Variants in PHTF1 observed in about 807,000 individuals in gnomAD.
PHTF1 encodes the protein putative homeodomain transcription factor 1, also known as protein PHTF1.
PHTF1 carries 88 observed loss-of-function variants against 102.4 expected under a neutral mutation model. The observed-to-expected ratio is 0.86, with a 90% CI of 0.72 to 1.03. PHTF1 has a LOEUF of 1.03. Among genes scored for constraint, PHTF1 ranks in the 50% least tolerant of loss-of-function variants. PHTF1 has a pLI of 0.00. For synonymous variants in PHTF1, 289 were observed against 305.2 expected, an observed-to-expected ratio of 0.95 and a Z score of 0.55; for missense variants, 814 against 909.5, an observed-to-expected ratio of 0.89 and a Z score of 1.35.
At chr1:113,718,399 G>A (rs1652407194) in intron 7 of PHTF1, among the ~76,000 whole-genome samples, 1 of 152,146 alleles carries the variant, frequency 6.6e-6, no homozygotes, top group Non-Finnish European at 1.5e-5. Flanking sequence ...GGCTTTGCCA[G>A]GAGCACAGTG....
intron 7 of PHTF1, among the ~76,000 whole-genome samples, chr1:113,716,225 A>C (rs1471392823): frequency 6.6e-6 from 1 of 152,170 alleles, no homozygotes; most frequent in Non-Finnish European, 1.5e-5. Flanking sequence ...CAGCAAGAGA[A>C]AGGAAACAAA....
At chr1:113,752,666 G>A (rs1361419444) in intron 3 of PHTF1, among the ~76,000 whole-genome samples, 1 of 152,130 alleles carries the variant, frequency 6.6e-6, no homozygotes, top group Non-Finnish European at 1.5e-5. Context: ...TTACAGGCGT[G>A]AGCCACTGCG....
At chr1:113,722,876 C>T (rs553583292) in intron 7 of PHTF1, among the ~76,000 whole-genome samples, 52 of 150,308 alleles carry the variant, frequency 3.5e-4, no homozygotes, top group African/African-American at 1.1e-3. Context: ...GCCGAGATCG[C>T]GCCATTGCAC....
At chr1:113,758,231 C>CAAA (rs1162537319) in intron 2 of PHTF1, among the ~76,000 whole-genome samples, 1,944 of 57,832 alleles carry the variant, frequency 0.034, 152 homozygotes, top group African/African-American at 0.11. Context: ...AACTCCGTCT[C>CAAA]AAAAAAAAAA....
intron 13 of PHTF1, 31 bp downstream of exon 13, chr1:113,705,859 G>A: frequency 1.3e-6 from 2 of 1,575,002 alleles, no homozygotes; most frequent in South Asian, 2.3e-5. Context: ...TACAAAAACA[G>A]GTAAAAAATT....
chr1:113,759,118 A>T lies in PHTF1; in HGVS notation c.-126T>A. On this transcript the variant is annotated 5_prime_UTR_variant, in exon 1 of 19. Transcript: ENST00000369604. ...CCGGGGGCGAGGCGGCGGGCCAGGC[A>T]GGCCGCATCTTCCCCTCCAGGCGGA... The T allele has an allele frequency of 1.0e-6, 1 of 981,648 alleles. No individual in the cohort carries two copies. The highest frequency in any genetic ancestry group is 1.2e-6 in the Non-Finnish European group (1 of 825,892). The allele number at this position is 981,648 out of a possible 1,614,324, so 60.8% of individuals were successfully genotyped here.
chr1:113,743,524 T>C (rs926275382), intron 3 of PHTF1, among the ~76,000 whole-genome samples: 10 of 152,224 alleles, frequency 6.6e-5, no homozygotes, highest in Non-Finnish European at 1.5e-4. Context: ...AAGTATAGTA[T>C]AGTAAATATA....
chr1:113,726,250 G>A (rs977039709), intron 6 of PHTF1, among the ~76,000 whole-genome samples, 168 bp downstream of exon 6: 5 of 152,038 alleles, frequency 3.3e-5, no homozygotes, highest in African/African-American at 9.7e-5. Flanking sequence ...TTGTAACAAG[G>A]TTTTCTCAGC....
chr1:113,700,963 C>CAA lies in PHTF1; in HGVS notation c.1891-16_1891-15dup. The stretch of plus-strand genomic sequence containing the variant: ...TCCTTGGAGAACCTATACAAAGGAT[C>CAA]AAAAAAAAGTTAAGTTTTTCATTTA... On this transcript the variant is annotated splice_polypyrimidine_tract_variant and intron_variant, in intron 15 of 18. Transcript: ENST00000369604. 1 of 1,569,156 alleles carries CAA rather than the reference C, an allele frequency of 6.4e-7. No homozygotes were observed.
chr1:113,702,081 T>G (rs1033266788), intron 15 of PHTF1, among the ~76,000 whole-genome samples: 1 of 152,024 alleles, frequency 6.6e-6, no homozygotes, highest in African/African-American at 2.4e-5. Flanking sequence ...TAATTACATC[T>G]TGCGGTTTTA....
At chr1:113,698,152 AACACACACACACACAC>A (rs59861045) in intron 18 of PHTF1, 94 bp downstream of exon 18, 16 of 549,646 alleles carry the variant, frequency 2.9e-5, no homozygotes, top group Admixed American at 1.1e-4. Context: ...GCATGCTAGA[AACACACACACACACAC>A]ACACACACAC....
Position 113,724,906 on chromosome 1 carries a change from A to T in PHTF1, c.489-13T>A. ...TTTTCGTAATTTTCTACAAAAAAAA[A>T]TTTCAATAACTTCAGATTATTCAAG... is the stretch of plus-strand genomic sequence containing the variant. On this transcript the variant is annotated splice_polypyrimidine_tract_variant and intron_variant, in intron 6 of 18. Coordinates refer to ENST00000369604, the MANE Select transcript of PHTF1 (RefSeq NM_001323043.2). 1.3e-6 allele frequency: 2 copies of T among 1,577,996 alleles called. No individual in the cohort carries two copies. The highest frequency in any genetic ancestry group is 1.2e-5 in the South Asian group (1 of 85,382).
At chr1:113,728,573 A>C (rs991789538) in intron 5 of PHTF1, among the ~76,000 whole-genome samples, 1 of 152,216 alleles carries the variant, frequency 6.6e-6, no homozygotes, top group African/African-American at 2.4e-5. Context: ...TAGAACTACC[A>C]TATGATCCAG....
intron 13 of PHTF1, 23 bp downstream of exon 13, chr1:113,705,867 A>T: frequency 1.9e-6 from 3 of 1,591,134 alleles, no homozygotes; most frequent in Non-Finnish European, 2.6e-6. Flanking sequence ...CAGGTAAAAA[A>T]TTTTCCTTAT....
In PHTF1 at chr1:113,724,897, C is replaced by CA. The variant is rs768360844; in HGVS notation, c.489-5dup. On this transcript the variant is annotated splice_region_variant and splice_polypyrimidine_tract_variant and intron_variant, in intron 6 of 18. Coordinates refer to ENST00000369604, the MANE Select transcript of PHTF1 (RefSeq NM_001323043.2). The stretch of plus-strand genomic sequence containing the variant: ...ATTTACAGTTTTTCGTAATTTTCTA[C>CA]AAAAAAAAATTTCAATAACTTCAGA... 576 of 1,562,214 alleles carry CA rather than the reference C, an allele frequency of 3.7e-4. No individual in the cohort carries two copies. The highest frequency in any genetic ancestry group is 9.8e-4 in the South Asian group (82 of 83,548).
rs781591560 is a variant in PHTF1, at chr1:113,700,820, T to C, written c.2020A>G (p.Asn674Asp). ...LGSETNKKYS[N>D]VSILLTEQIN... ...TGTTCTGTAAGTAATATTGAAACAT[T>C]GCTGTATTTCTTATTGGTTTCAGAC... The change falls in exon 16 of 19, where the codon AAT (asparagine) becomes GAT (aspartate). Residue 674 changes from asparagine to aspartate, a missense_variant. Physicochemically the swap from Asn to Asp is conservative, Grantham distance 23. Coordinates refer to ENST00000369604, the MANE Select transcript of PHTF1 (RefSeq NM_001323043.2). The C allele has an allele frequency of 1.2e-6, 2 of 1,613,904 alleles. No individual in the cohort carries two copies. Among genetic ancestry groups the C allele is most frequent in the South Asian group, 2.2e-5 (2 of 91,056 alleles).
At chr1:113,732,317 G>A (rs996337249) in intron 5 of PHTF1, among the ~76,000 whole-genome samples, 2 of 152,158 alleles carry the variant, frequency 1.3e-5, no homozygotes, top group Non-Finnish European at 2.9e-5. Context: ...TCAACATGGG[G>A]AAACCCCATC....
At chr1:113,727,444 G>A (rs990957810) in intron 5 of PHTF1, among the ~76,000 whole-genome samples, 1 of 152,130 alleles carries the variant, frequency 6.6e-6, no homozygotes. Context: ...CCAGTACCTG[G>A]AGCACAGAAT....
At chr1:113,743,310 T>A (rs1181968702) in intron 3 of PHTF1, among the ~76,000 whole-genome samples, 2 of 151,876 alleles carry the variant, frequency 1.3e-5, no homozygotes, top group Admixed American at 1.3e-4. Flanking sequence ...AGGGTCAGGA[T>A]CATCAATATC....
Sources: gnomAD v4.1 joint callset for allele counts (sites outside exome capture counted in the v4.1 genomes callset) on GRCh38, gnomAD v4.1.1 for gene constraint, MANE v1.5 for transcripts, NCBI Gene and HGNC (gene_info 2026-07-23, HGNC 2026-07-21) for gene names.